The following UNC5D variants were observed in gnomAD, a reference collection of about 807,000 sequenced individuals.
The protein encoded by UNC5D is unc-5 netrin receptor D, also known as netrin receptor UNC5D.
A neutral mutation model predicts 105.4 loss-of-function variants in UNC5D; 39 were observed. That is an observed-to-expected ratio of 0.37 (90% CI 0.29 to 0.48). The LOEUF is 0.48. UNC5D is among the 20% of genes least tolerant of loss of function. UNC5D has a pLI of 0.98. For synonymous variants in UNC5D, 452 were observed against 450.4 expected (o/e 1.00, Z -0.04); for missense variants, 991 against 1,202.4 (o/e 0.82, Z 2.60).
At chr8:35,296,317 A>C (rs1278821328) in intron 1 of UNC5D, among the ~76,000 whole-genome samples, 1 of 152,034 alleles carries the variant, frequency 6.6e-6, no homozygotes, top group East Asian at 1.9e-4. Context: ...CTTTGACAAC[A>C]CTTGTTATCT....
At chr8:35,610,022 A>C (rs1188845296) in intron 4 of UNC5D, among the ~76,000 whole-genome samples, 1 of 152,168 alleles carries the variant, frequency 6.6e-6, no homozygotes, top group African/African-American at 2.4e-5. Flanking sequence ...GAAAAGTGTT[A>C]TGAATAATAA....
At chr8:35,638,661 G>A (rs1460231653) in intron 4 of UNC5D, among the ~76,000 whole-genome samples, 1 of 152,022 alleles carries the variant, frequency 6.6e-6, no homozygotes, top group East Asian at 1.9e-4. Flanking sequence ...AGTGTATGAT[G>A]ACATGCACCT....
intron 15 of UNC5D, among the ~76,000 whole-genome samples, chr8:35,772,270 TTG>T (rs1802043644): frequency 6.6e-6 from 1 of 152,172 alleles, no homozygotes; most frequent in Non-Finnish European, 1.5e-5. Context: ...GATTAATGCA[TTG>T]TGTTTCCAAA....
intron 2 of UNC5D, among the ~76,000 whole-genome samples, chr8:35,550,603 A>G (rs1586110063): frequency 6.6e-6 from 1 of 152,346 alleles, no homozygotes; most frequent in East Asian, 1.9e-4. Context: ...GAGATAGGTA[A>G]GAAAATAGCC....
rs1163798673 is a variant in UNC5D, at chr8:35,512,535, G to GTGTATATATATATATA, written c.104-36756_104-36755insGTATATATATATATAT. On this transcript the variant is annotated intron_variant, in intron 1 of 16. Transcript: ENST00000404895. ...CTGCATAGATTATATATTCAGATAT[G>GTGTATATATATATATA]TATGTATATATATATATATATATAT... is the stretch of plus-strand genomic sequence containing the variant. 6.0e-5 allele frequency among the ~76,000 whole-genome samples: 2 copies of GTGTATATATATATATA among 33,446 alleles called. 1 individual carries two copies. The highest frequency in any genetic ancestry group is 9.6e-5 in the Non-Finnish European group (2 of 20,914). 21.9% of individuals were successfully genotyped at this position (33,446 alleles called of 152,430 possible).
chr8:35,434,586 C>T (rs1001107868), intron 1 of UNC5D, among the ~76,000 whole-genome samples: 2 of 152,028 alleles, frequency 1.3e-5, no homozygotes, highest in Non-Finnish European at 2.9e-5. Context: ...TCCACTTTAA[C>T]TTTGTCTCCT....
chr8:35,756,361 A>C (rs550301227), intron 13 of UNC5D, among the ~76,000 whole-genome samples: 2 of 152,204 alleles, frequency 1.3e-5, no homozygotes, highest in South Asian at 2.1e-4. Context: ...TTCCATGATA[A>C]TTATAAGCAG....
intron 4 of UNC5D, among the ~76,000 whole-genome samples, chr8:35,673,702 T>A (rs1216372440): frequency 6.6e-6 from 1 of 152,148 alleles, no homozygotes; most frequent in Non-Finnish European, 1.5e-5. Flanking sequence ...CTTTGCCTTT[T>A]CCTCATGATC....
intron 1 of UNC5D, among the ~76,000 whole-genome samples, chr8:35,450,733 G>A (rs1430471665): frequency 2.6e-5 from 4 of 152,130 alleles, no homozygotes; most frequent in African/African-American, 7.2e-5. Context: ...TCACAATGTT[G>A]TGAAAATGAT....
At chr8:35,705,343 TGA>T (rs1256961941) in intron 7 of UNC5D, among the ~76,000 whole-genome samples, 1 of 152,186 alleles carries the variant, frequency 6.6e-6, no homozygotes, top group Non-Finnish European at 1.5e-5. Context: ...ACTTTTCCAT[TGA>T]GAGAGATGGA....
chr8:35,584,761 C>G (rs1305599709), intron 3 of UNC5D, among the ~76,000 whole-genome samples: 1 of 152,054 alleles, frequency 6.6e-6, no homozygotes, highest in East Asian at 1.9e-4. Context: ...CTAACTGGAT[C>G]TCTTTATCTC....
At chr8:35,484,324 G>A (rs1585949362) in intron 1 of UNC5D, among the ~76,000 whole-genome samples, 1 of 152,156 alleles carries the variant, frequency 6.6e-6, no homozygotes, top group Admixed American at 6.5e-5. Flanking sequence ...TTCCACTGGG[G>A]CCAGCTGGGC....
At chr8:35,438,215 T>C (rs1470458996) in intron 1 of UNC5D, among the ~76,000 whole-genome samples, 2 of 152,034 alleles carry the variant, frequency 1.3e-5, no homozygotes, top group Non-Finnish European at 2.9e-5. Flanking sequence ...TGGCTTTGAA[T>C]TTTGTCTCCA....
At chr8:35,385,813 T>G (rs933963462) in intron 1 of UNC5D, among the ~76,000 whole-genome samples, 5 of 152,170 alleles carry the variant, frequency 3.3e-5, no homozygotes, top group Non-Finnish European at 7.3e-5. Context: ...TTCAGATTTA[T>G]GCAGAAATTT....
chr8:35,653,807 C>T (rs1255847288), intron 4 of UNC5D, among the ~76,000 whole-genome samples: 2 of 151,834 alleles, frequency 1.3e-5, no homozygotes, highest in Non-Finnish European at 2.9e-5. Flanking sequence ...TGTGTTATAC[C>T]TTCATACATT....
chr8:35,487,595 C>CA lies in UNC5D; in HGVS notation c.104-61697_104-61696insA, dbSNP rs1563465091. On this transcript the variant is annotated intron_variant, in intron 1 of 16. Coordinates refer to ENST00000404895, the MANE Select transcript of UNC5D (RefSeq NM_080872.4). ...CACACACACACACACACACACACAC[C>CA]CCACAGACTGTTAGTTTTAGTTCTC... Among the ~76,000 whole-genome samples, 293 of 123,748 alleles carry CA rather than the reference C, an allele frequency of 2.4e-3. 3 individuals are homozygous for CA. The highest frequency in any genetic ancestry group is 9.7e-3 in the African/African-American group (276 of 28,492). The allele number at this position is 123,748 out of a possible 152,430, so 81.2% of individuals were successfully genotyped here.
At chr8:35,550,260 T>C (rs1816027773) in intron 2 of UNC5D, among the ~76,000 whole-genome samples, 1 of 152,220 alleles carries the variant, frequency 6.6e-6, no homozygotes, top group Non-Finnish European at 1.5e-5. Context: ...AAACTAAGGC[T>C]CAAAGAGATT....
chr8:35,256,496 G>A (rs992191555), intron 1 of UNC5D: 10 of 151,646 alleles, frequency 6.6e-5, no homozygotes, highest in Non-Finnish European at 1.0e-4. Flanking sequence ...GGAGTTTTAT[G>A]TGATAATATG....
chr8:35,343,778 T>C (rs1446663156), intron 1 of UNC5D, among the ~76,000 whole-genome samples: 4 of 152,178 alleles, frequency 2.6e-5, no homozygotes, highest in African/African-American at 9.6e-5. Context: ...CATTTGGTTT[T>C]CAGAGCCTCA....
Sources: allele counts gnomAD v4.1 joint callset (sites outside exome capture counted in the v4.1 genomes callset), GRCh38; gene constraint gnomAD v4.1.1; transcripts MANE v1.5; gene names NCBI Gene and HGNC (gene_info 2026-07-23, HGNC 2026-07-21).